XDH: variants seen among roughly 807,000 people sequenced by gnomAD.
The protein encoded by XDH is xanthine dehydrogenase/oxidase.
Under a neutral mutation model 156.1 loss-of-function variants are expected in XDH, and 138 were observed. The ratio of observed to expected loss-of-function variants is 0.88; its 90% CI spans 0.77 to 1.02. The LOEUF is 1.02. Ranked by LOEUF, XDH falls within the 50% of genes least tolerant of loss-of-function variation. The pLI, the probability that XDH is intolerant of heterozygous loss-of-function variation, is 0.00. For synonymous variants in XDH, 669 were observed against 625.7 expected (o/e 1.07, Z -1.03); for missense variants, 1,849 against 1,684.9 (o/e 1.10, Z -1.71).
intron 21 of XDH, among the ~76,000 whole-genome samples, 187 bp from the exon 22 acceptor site, chr2:31,366,296 T>C (rs1204871496): frequency 1.3e-5 from 2 of 152,094 alleles, no homozygotes; most frequent in African/African-American, 4.8e-5. Context: ...TCAGCATTGG[T>C]TTTTAACCAG....
At chr2:31,359,317 A>T (rs990774409) in intron 24 of XDH, among the ~76,000 whole-genome samples, 1 of 152,216 alleles carries the variant, frequency 6.6e-6, no homozygotes, top group Admixed American at 6.5e-5. Context: ...CTGTTTGACA[A>T]ATTCAGCATT....
intron 16 of XDH, among the ~76,000 whole-genome samples, chr2:31,373,283 A>G (rs1231485201): frequency 6.6e-6 from 1 of 152,218 alleles, no homozygotes; most frequent in Non-Finnish European, 1.5e-5. Context: ...ACTACACTCT[A>G]GTGTGCAGGG....
At chr2:31,393,272 G>A (rs934697432) in intron 6 of XDH, among the ~76,000 whole-genome samples, 1 of 152,172 alleles carries the variant, frequency 6.6e-6, no homozygotes, top group Admixed American at 6.6e-5. Flanking sequence ...ATTTGTCTCT[G>A]CAGTTCCACC....
chr2:31,402,909 C>T lies in XDH; in HGVS notation c.197+139G>A. 7.8e-6 allele frequency: 7 copies of T among 895,550 alleles called. No homozygotes were observed. In the South Asian group the frequency reaches 9.7e-5, roughly 12 times the overall value. The allele number at this position is 895,550 out of a possible 1,614,324, so 55.5% of individuals were successfully genotyped here. On this transcript the variant is annotated intron_variant, in intron 3 of 35. Transcript: ENST00000379416. ...TGCTAAGAGATCATTCTACAGTTTT[C>T]CTGTGCACAGATTCTCCATAAAAAC... is the stretch of plus-strand genomic sequence containing the variant.
intron 14 of XDH, among the ~76,000 whole-genome samples, chr2:31,376,818 G>T (rs931899606): frequency 1.3e-5 from 2 of 150,106 alleles, no homozygotes; most frequent in Admixed American, 6.7e-5. Flanking sequence ...TAATAGCATA[G>T]CAGTGGCAAT....
At chr2:31,381,293 C>T (rs931395317) in intron 12 of XDH, among the ~76,000 whole-genome samples, 1 of 152,136 alleles carries the variant, frequency 6.6e-6, no homozygotes, top group Admixed American at 6.5e-5. Flanking sequence ...ACCGCACTAC[C>T]GCACTTGGCC....
At chr2:31,384,697 T>C (rs1686536826) in intron 9 of XDH, among the ~76,000 whole-genome samples, 1 of 152,150 alleles carries the variant, frequency 6.6e-6, no homozygotes, top group Admixed American at 6.5e-5. Context: ...CCAGGTGCTG[T>C]TTAGGATTTC....
intron 6 of XDH, among the ~76,000 whole-genome samples, chr2:31,391,271 A>G (rs1420430460): frequency 6.6e-6 from 1 of 152,168 alleles, no homozygotes; most frequent in Non-Finnish European, 1.5e-5. Flanking sequence ...GTGAAACATC[A>G]GTTGACTGTA....
intron 1 of XDH, 137 bp from the exon 2 acceptor site, chr2:31,406,101 C>T: frequency 1.0e-6 from 1 of 964,812 alleles, no homozygotes; most frequent in South Asian, 1.4e-5. Context: ...CTCTGCCCCT[C>T]TAAATCTCAT....
At position 31,335,554 on chromosome 2, in the gene XDH, G is replaced by A. The variant is rs759403236; in HGVS notation, c.*404C>T. On this transcript the variant is annotated 3_prime_UTR_variant, in exon 36 of 36. Transcript: ENST00000379416. ...GCCAGGCTTTCACAGGAAGGCACAC[G>A]ATTTAAAGTAACTTCGGTTTAAGCT... 1.7e-5 allele frequency: 5 copies of A among 294,522 alleles called. No homozygotes were observed. Among genetic ancestry groups the A allele is most frequent in the South Asian group, 7.4e-5 (2 of 27,198 alleles). The allele number at this position is 294,522 out of a possible 1,614,324, so 18.2% of individuals were successfully genotyped here. A position where few individuals can be genotyped will look rare whatever the true frequency, so the allele number is the denominator to read the frequency against.
intron 20 of XDH, 101 bp from the exon 21 acceptor site, chr2:31,367,095 G>T (rs1476329165): frequency 6.3e-7 from 1 of 1,593,260 alleles, no homozygotes; most frequent in Non-Finnish European, 8.6e-7. Context: ...TGGGCAGGAA[G>T]CAATGGCTAC....
At chr2:31,375,204 C>T (rs1341475530) in intron 15 of XDH, among the ~76,000 whole-genome samples, 176 bp downstream of exon 15, 4 of 151,902 alleles carry the variant, frequency 2.6e-5, no homozygotes, top group Non-Finnish European at 5.9e-5. Flanking sequence ...CAGCCCAGCA[C>T]TCTGCCTCTA....
intron 24 of XDH, among the ~76,000 whole-genome samples, chr2:31,353,208 C>G (rs1896846): frequency 0.74 from 113,134 of 152,036 alleles, 42,205 homozygotes; most frequent in East Asian, 0.85. Flanking sequence ...AAGTTCATCT[C>G]CCAAAGCTGT....
intron 3 of XDH, 35 bp downstream of exon 3, chr2:31,403,013 C>T (rs778088612): frequency 1.9e-6 from 3 of 1,611,716 alleles, no homozygotes; most frequent in East Asian, 4.5e-5. Context: ...CATCGCAGCC[C>T]CCATGTGGGT....
At chr2:31,373,843 T>C (rs768470243) in intron 16 of XDH, 30 bp downstream of exon 16, 39 of 1,611,728 alleles carry the variant, frequency 2.4e-5, no homozygotes, top group Non-Finnish European at 3.3e-5. Context: ...CAAAGTCCCC[T>C]GATATTAGCC....
At chr2:31,348,725 A>G (rs1287277432) in intron 27 of XDH, among the ~76,000 whole-genome samples, 174 bp downstream of exon 27, 1 of 152,240 alleles carries the variant, frequency 6.6e-6, no homozygotes, top group Non-Finnish European at 1.5e-5. Flanking sequence ...CTCACTGCCC[A>G]TGACCTACTG....
In XDH at chr2:31,334,955, A is replaced by T. The variant is rs1185927530; in HGVS notation, c.*1003T>A. On this transcript the variant is annotated 3_prime_UTR_variant, in exon 36 of 36. Transcript: ENST00000379416. ...CGCAATCATAGCTCACTGCAGCCTCAACCTCCTGAGCTCAAATGATCTCTC... is the reference window on the plus strand; with the variant it reads ...CGCAATCATAGCTCACTGCAGCCTCTACCTCCTGAGCTCAAATGATCTCTC... 1 of 152,072 alleles carries T rather than the reference A, an allele frequency of 6.6e-6. No homozygotes were observed. The highest frequency in any genetic ancestry group is 2.4e-5 in the African/African-American group (1 of 41,404). 9.4% of individuals were successfully genotyped at this position (152,072 alleles called of 1,614,324 possible).
At chr2:31,388,036 G>T in intron 7 of XDH, 139 bp from the exon 8 acceptor site, 1 of 1,133,756 alleles carries the variant, frequency 8.8e-7, no homozygotes, top group Non-Finnish European at 1.3e-6. Context: ...TCCCTGGGAG[G>T]CAGGAATGAG....
chr2:31,341,768 A>G (rs1208771617), intron 32 of XDH, among the ~76,000 whole-genome samples: 1 of 152,234 alleles, frequency 6.6e-6, no homozygotes, highest in Non-Finnish European at 1.5e-5. Flanking sequence ...GCTAAATCCA[A>G]CTTGCCCCTG....
Sources: gnomAD v4.1 joint callset for allele counts (sites outside exome capture counted in the v4.1 genomes callset) on GRCh38, gnomAD v4.1.1 for gene constraint, MANE v1.5 for transcripts, NCBI Gene and HGNC (gene_info 2026-07-23, HGNC 2026-07-21) for gene names.